Variants in ANO10 observed in about 807,000 individuals in gnomAD.
ANO10 encodes anoctamin 10.
A neutral mutation model predicts 74.7 loss-of-function variants in ANO10; 77 were observed. That is an observed-to-expected ratio of 1.03 (90% CI 0.86 to 1.25). The LOEUF (loss-of-function observed/expected upper bound fraction) is 1.25. Among genes scored for constraint, ANO10 ranks in the 50% most tolerant of loss-of-function variants. The pLI, the probability that ANO10 is intolerant of heterozygous loss-of-function variation, is 0.00. For synonymous variants in ANO10, 279 were observed against 284.9 expected, an observed-to-expected ratio of 0.98 and a Z score of 0.21; for missense variants, 721 against 778.1, an observed-to-expected ratio of 0.93 and a Z score of 0.87.
At chr3:43,468,184 T>C (rs937472087) in intron 11 of ANO10, among the ~76,000 whole-genome samples, 16 of 152,240 alleles carry the variant, frequency 1.1e-4, no homozygotes, top group Non-Finnish European at 1.8e-4. Flanking sequence ...AAAAAATTGC[T>C]GTGGGCACAA....
chr3:43,369,503 C>A (rs1385011200), intron 12 of ANO10, among the ~76,000 whole-genome samples: 2 of 152,244 alleles, frequency 1.3e-5, no homozygotes, highest in East Asian at 3.9e-4. Flanking sequence ...CATGAATGAC[C>A]AAGCCTCACT....
At chr3:43,404,213 C>T (rs2092534402) in intron 12 of ANO10, among the ~76,000 whole-genome samples, 2 of 152,094 alleles carry the variant, frequency 1.3e-5, no homozygotes, top group Admixed American at 1.3e-4. Context: ...TTATAGGTGG[C>T]TTTGTATAAG....
At chr3:43,608,725 G>C (rs2082675175) in intron 1 of ANO10, among the ~76,000 whole-genome samples, 1 of 152,110 alleles carries the variant, frequency 6.6e-6, no homozygotes, top group African/African-American at 2.4e-5. Context: ...GGGACCACAG[G>C]TGCGTGCCAT....
At chr3:43,494,785 CAG>C (rs1355632705) in intron 11 of ANO10, among the ~76,000 whole-genome samples, 5 of 152,092 alleles carry the variant, frequency 3.3e-5, no homozygotes, top group Non-Finnish European at 7.4e-5. Context: ...AAGTCATTGA[CAG>C]AGACAGTGAA....
At chr3:43,485,090 C>G in intron 11 of ANO10, 16 of 1,127,164 alleles carry the variant, frequency 1.4e-5, no homozygotes, top group Non-Finnish European at 2.0e-5. Flanking sequence ...AGCCGGCCGG[C>G]GGCACTTGCT....
intron 11 of ANO10, among the ~76,000 whole-genome samples, chr3:43,538,752 G>A (rs6441779): frequency 0.22 from 33,788 of 152,028 alleles, 4,297 homozygotes; most frequent in Middle Eastern, 0.36. Context: ...GATGGAGAAC[G>A]GCCTGCTGTC....
chr3:43,653,494 T>C (rs191183998), intron 1 of ANO10, among the ~76,000 whole-genome samples: 107 of 152,352 alleles, frequency 7.0e-4, no homozygotes, highest in Non-Finnish European at 8.8e-4. Flanking sequence ...ACAACTATGC[T>C]GAAGGCAATT....
intron 11 of ANO10, among the ~76,000 whole-genome samples, chr3:43,508,568 G>C (rs1005782739): frequency 2.0e-5 from 3 of 152,158 alleles, no homozygotes; most frequent in African/African-American, 7.2e-5. Context: ...TGATAGACTG[G>C]ATTAAGAAAA....
At position 43,565,634 on chromosome 3, in the gene ANO10, T is replaced by C; in HGVS notation, c.1293+19A>G. ...TCTATGACCTAAAAAATTGGTATTT[T>C]TCTGTTATTTTTACTTACCTGGCGC... On this transcript the variant is annotated intron_variant, in intron 8 of 12. Transcript: ENST00000292246. 2.6e-6 allele frequency: 4 copies of C among 1,555,704 alleles called. No homozygotes were observed. The highest frequency in any genetic ancestry group is 3.5e-6 in the Non-Finnish European group (4 of 1,148,146).
chr3:43,680,494 T>G (rs965062740), intron 1 of ANO10, among the ~76,000 whole-genome samples: 1 of 152,214 alleles, frequency 6.6e-6, no homozygotes, highest in Non-Finnish European at 1.5e-5. Context: ...TGGAACCAAG[T>G]TGGAAAACAC....
chr3:43,439,356 T>C (rs2093124373), intron 11 of ANO10, among the ~76,000 whole-genome samples: 1 of 150,404 alleles, frequency 6.6e-6, no homozygotes, highest in Non-Finnish European at 1.5e-5. Flanking sequence ...ATTTCATCAC[T>C]ACTACAACTG....
intron 12 of ANO10, among the ~76,000 whole-genome samples, chr3:43,423,881 T>G (rs2092857947): frequency 6.6e-6 from 1 of 152,238 alleles, no homozygotes; most frequent in Non-Finnish European, 1.5e-5. Context: ...TACCTCATTG[T>G]TATTACAGCC....
At chr3:43,406,905 ATTTT>A (rs34174829) in intron 12 of ANO10, among the ~76,000 whole-genome samples, 26 of 143,322 alleles carry the variant, frequency 1.8e-4, no homozygotes, top group Admixed American at 7.7e-4. Context: ...CGCAACAGAG[ATTTT>A]TTTTTTTTTT....
chr3:43,610,970 TG>T (rs1480431428), intron 1 of ANO10, among the ~76,000 whole-genome samples: 2 of 152,186 alleles, frequency 1.3e-5, no homozygotes, highest in East Asian at 3.8e-4. Flanking sequence ...TTCAAGACCT[TG>T]TCTAAGGTTT....
chr3:43,409,531 G>A (rs1473730262), intron 12 of ANO10, among the ~76,000 whole-genome samples: 2 of 151,960 alleles, frequency 1.3e-5, no homozygotes, highest in South Asian at 4.2e-4. Context: ...GTGACAGAAC[G>A]ACCCTGTTTC....
Position 43,600,492 on chromosome 3 carries a change from T to A in ANO10, c.229A>T (p.Ile77Phe). 6.2e-7 allele frequency: 1 copy of A among 1,614,146 alleles called. No individual in the cohort carries two copies. The highest frequency in any genetic ancestry group is 8.5e-7 in the Non-Finnish European group (1 of 1,180,000). The change falls in exon 3 of 13, where the codon ATT becomes TTT. Residue 77 changes from isoleucine (I) to phenylalanine (F), a missense_variant. Ile to Phe is a conservative substitution (Grantham distance 21). Coordinates refer to ENST00000292246, the MANE Select transcript of ANO10 (RefSeq NM_018075.5). ...QNLYLVGASK[I>F]RMLLGAEAVG... ...GCTTCTGCCCCTAGTAACATTCTAA[T>A]CTTGGAGGCACCAACAAGATATAAG...
At chr3:43,653,926 G>GT (rs1559386364) in intron 1 of ANO10, among the ~76,000 whole-genome samples, 31 of 85,170 alleles carry the variant, frequency 3.6e-4, no homozygotes, top group East Asian at 3.4e-3. Flanking sequence ...AGTTTGCTGG[G>GT]GTTTTTTTTT....
At chr3:43,489,901 C>T (rs1310093297) in intron 11 of ANO10, among the ~76,000 whole-genome samples, 1 of 151,928 alleles carries the variant, frequency 6.6e-6, no homozygotes, top group South Asian at 2.1e-4. Context: ...AAATCAACAA[C>T]TATCTAAACA....
chr3:43,657,722 C>T (rs1229218218), intron 1 of ANO10, among the ~76,000 whole-genome samples: 1 of 152,218 alleles, frequency 6.6e-6, no homozygotes, highest in Non-Finnish European at 1.5e-5. Context: ...GTTATCCAGC[C>T]TCCTAGCCAT....
Sources: gnomAD v4.1 joint callset for allele counts (sites outside exome capture counted in the v4.1 genomes callset) on GRCh38, gnomAD v4.1.1 for gene constraint, MANE v1.5 for transcripts, NCBI Gene and HGNC (gene_info 2026-07-23, HGNC 2026-07-21) for gene names.